The following ASTN2 variants were observed in gnomAD, a reference collection of about 807,000 sequenced individuals.
The protein encoded by ASTN2 is astrotactin-2.
In ASTN2, 54 loss-of-function variants were observed where a neutral mutation model predicts 139.8. The observed-to-expected ratio is 0.39, with a 90% CI of 0.31 to 0.48. The LOEUF is 0.48. ASTN2 is among the 20% of genes least tolerant of loss of function. The probability of loss-of-function intolerance (pLI) is 0.95; values close to 1 mark genes in which losing one functional copy is unlikely to be tolerated. For synonymous variants in ASTN2, 756 were observed against 719.5 expected, an observed-to-expected ratio of 1.05 and a Z score of -0.81; for missense variants, 1,565 against 1,725.1, an observed-to-expected ratio of 0.91 and a Z score of 1.64.
intron 2 of ASTN2, among the ~76,000 whole-genome samples, chr9:117,269,317 C>G (rs930247171): frequency 2.0e-5 from 3 of 152,132 alleles, no homozygotes; most frequent in Admixed American, 2.0e-4. Context: ...ATAACAGGTG[C>G]CTTTGCTAGA....
intron 16 of ASTN2, chr9:116,697,522 C>CAT (rs1177569682): frequency 7.7e-5 from 45 of 585,814 alleles, no homozygotes; most frequent in Admixed American, 5.4e-4. Flanking sequence ...CCTCACGTGA[C>CAT]ATATAATAGA....
Position 116,835,658 on chromosome 9 carries a change from G to A in ASTN2, c.2041-14875C>T, listed in dbSNP as rs543998757. 4.3e-4 allele frequency among the ~76,000 whole-genome samples: 65 copies of A among 152,264 alleles called. No homozygotes were observed. The South Asian group carries it at 8.5e-3, about 20-fold the overall frequency. On this transcript the variant is annotated intron_variant, in intron 11 of 22. Coordinates refer to ENST00000313400, the MANE Select transcript of ASTN2 (RefSeq NM_001365068.1). ...TTTGTAAAATGTATAAAACAAAGCT[G>A]CTCCCTGACCACCTTGGGTACATGT...
At chr9:116,712,565 G>T (rs1265312654) in intron 16 of ASTN2, among the ~76,000 whole-genome samples, 1 of 152,150 alleles carries the variant, frequency 6.6e-6, no homozygotes, top group Non-Finnish European at 1.5e-5. Flanking sequence ...GCATCAGCTG[G>T]TTATGCCACC....
At chr9:117,237,605 G>A (rs971116847) in intron 2 of ASTN2, among the ~76,000 whole-genome samples, 13 of 152,008 alleles carry the variant, frequency 8.6e-5, no homozygotes, top group Admixed American at 8.5e-4. Context: ...TCAGCCTCCC[G>A]AGTAGCTGGG....
At chr9:116,578,721 T>G (rs2131706479) in intron 19 of ASTN2, among the ~76,000 whole-genome samples, 1 of 150,638 alleles carries the variant, frequency 6.6e-6, no homozygotes, top group Non-Finnish European at 1.5e-5. Context: ...TCCCCCAAAC[T>G]CTACCTGTCC....
chr9:116,857,711 T>A (rs1280662616), intron 11 of ASTN2, among the ~76,000 whole-genome samples: 1 of 152,214 alleles, frequency 6.6e-6, no homozygotes, highest in Non-Finnish European at 1.5e-5. Flanking sequence ...GGGTCCTTTC[T>A]GGCTCTGGTA....
intron 2 of ASTN2, among the ~76,000 whole-genome samples, chr9:117,225,522 G>A (rs1588106041): frequency 1.1e-5 from 1 of 89,808 alleles, no homozygotes; most frequent in South Asian, 4.5e-4. Context: ...AGACCAGCCT[G>A]GCCAAGCTGT....
intron 17 of ASTN2, among the ~76,000 whole-genome samples, chr9:116,642,323 A>G (rs552764208): frequency 2.8e-4 from 42 of 151,996 alleles, no homozygotes; most frequent in African/African-American, 1.0e-3. Context: ...ACTTTTTAAT[A>G]TACTATATTA....
At chr9:116,448,435 CCTG>C (rs1242443369) in intron 20 of ASTN2, among the ~76,000 whole-genome samples, 1 of 152,206 alleles carries the variant, frequency 6.6e-6, no homozygotes, top group Non-Finnish European at 1.5e-5. Flanking sequence ...CCTCCCATCT[CCTG>C]CAGTGAGGGA....
At chr9:116,739,011 TACACAC>T (rs35705356) in intron 13 of ASTN2, among the ~76,000 whole-genome samples, 4 of 150,510 alleles carry the variant, frequency 2.7e-5, no homozygotes, top group Non-Finnish European at 5.9e-5. Flanking sequence ...AACATTCACT[TACACAC>T]ACACACACAC....
chr9:116,983,964 G>T (rs1836597988), intron 7 of ASTN2, among the ~76,000 whole-genome samples: 1 of 152,168 alleles, frequency 6.6e-6, no homozygotes, highest in Non-Finnish European at 1.5e-5. Context: ...TATAGTTGTG[G>T]ACAATAAAAT....
At position 116,804,006 on chromosome 9, in the gene ASTN2, A is replaced by G. The variant is rs188940881; in HGVS notation, c.2396+1626T>C. ...TAAAGTAGCATTCAGTCTCTGCTTG[A>G]GCAACTGAGTCATGGATCCACCTGC... On this transcript the variant is annotated intron_variant, in intron 13 of 22. Transcript: ENST00000313400. Among the ~76,000 whole-genome samples, 3 of 151,942 alleles carry G rather than the reference A, an allele frequency of 2.0e-5. No homozygotes were observed. The East Asian group carries it at 5.8e-4, about 30-fold the overall frequency.
intron 1 of ASTN2, among the ~76,000 whole-genome samples, chr9:117,328,490 G>T (rs372950710): frequency 1.3e-5 from 2 of 152,160 alleles, no homozygotes; most frequent in East Asian, 3.9e-4. Context: ...ACCTCAGGCT[G>T]AATGATCCCT....
At chr9:117,294,788 T>A (rs1834687438) in intron 1 of ASTN2, among the ~76,000 whole-genome samples, 1 of 152,146 alleles carries the variant, frequency 6.6e-6, no homozygotes, top group Non-Finnish European at 1.5e-5. Flanking sequence ...GACTTACAAC[T>A]GTTTCTCAAA....
intron 19 of ASTN2, among the ~76,000 whole-genome samples, chr9:116,524,333 G>C (rs531550386): frequency 9.2e-5 from 14 of 152,104 alleles, no homozygotes; most frequent in African/African-American, 3.4e-4. Context: ...GTATACTGCT[G>C]AAACACAGTA....
At chr9:116,999,932 T>C (rs1360157289) in intron 7 of ASTN2, among the ~76,000 whole-genome samples, 1 of 152,160 alleles carries the variant, frequency 6.6e-6, no homozygotes, top group Non-Finnish European at 1.5e-5. Context: ...TAGAAATGTC[T>C]AGCTTACTCT....
At chr9:116,926,945 G>A (rs188326377) in intron 10 of ASTN2, among the ~76,000 whole-genome samples, 2 of 152,276 alleles carry the variant, frequency 1.3e-5, no homozygotes, top group Admixed American at 6.5e-5. Flanking sequence ...AAAATAAGAT[G>A]TATGAAAACA....
chr9:117,308,900 G>T (rs892010637), intron 1 of ASTN2, among the ~76,000 whole-genome samples: 3 of 152,140 alleles, frequency 2.0e-5, no homozygotes, highest in South Asian at 2.1e-4. Context: ...AATGCCTGTT[G>T]CATATGGCAT....
intron 13 of ASTN2, among the ~76,000 whole-genome samples, chr9:116,768,790 T>A (rs949266898): frequency 1.3e-5 from 2 of 152,156 alleles, no homozygotes; most frequent in Admixed American, 6.5e-5. Flanking sequence ...ATTTTGGACT[T>A]CCCACCCTCC....
Sources: gnomAD v4.1 joint callset for allele counts (sites outside exome capture counted in the v4.1 genomes callset) on GRCh38, gnomAD v4.1.1 for gene constraint, MANE v1.5 for transcripts, NCBI Gene and HGNC (gene_info 2026-07-23, HGNC 2026-07-21) for gene names.